TENM3: variants seen among roughly 807,000 people sequenced by gnomAD.
The protein encoded by TENM3 is teneurin-3.
Under a neutral mutation model 255.1 loss-of-function variants are expected in TENM3, and 63 were observed. That is an observed-to-expected ratio of 0.25 (90% CI 0.20 to 0.30). The LOEUF (loss-of-function observed/expected upper bound fraction) is 0.30, where lower values mean the gene tolerates loss of function less well. TENM3 is among the 10% of genes least tolerant of loss of function. The probability of loss-of-function intolerance (pLI) is 1.00; values close to 1 mark genes in which losing one functional copy is unlikely to be tolerated. For missense variants in TENM3, 2,929 were observed against 3,461.1 expected (o/e 0.85, Z 3.86); for synonymous variants, 1,306 against 1,322.3 (o/e 0.99, Z 0.27).
chr4:182,593,984 A>G (rs989128113), intron 3 of TENM3, among the ~76,000 whole-genome samples: 12 of 152,028 alleles, frequency 7.9e-5, no homozygotes, highest in African/African-American at 2.7e-4. Context: ...AAAAAAAAAA[A>G]AAGAAGCCAG....
At chr4:181,454,691 T>TTTTTTTTTTTTTTA in the TENM3 span, among the ~76,000 whole-genome samples, 2 of 150,244 alleles carry the variant, frequency 1.3e-5, no homozygotes, top group Non-Finnish European at 1.5e-5. Context: ...ACTTTTTTTT[T>TTTTTTTTTTTTTTA]CTGGTGTGCC....
At chr4:181,998,167 A>G in the TENM3 span, among the ~76,000 whole-genome samples, 1 of 152,136 alleles carries the variant, frequency 6.6e-6, no homozygotes, top group Non-Finnish European at 1.5e-5. Flanking sequence ...TTCCAAATTT[A>G]TGACCCTTTT....
chr4:182,313,838 A>G (rs1289115499), intron 1 of TENM3, among the ~76,000 whole-genome samples: 1 of 152,116 alleles, frequency 6.6e-6, no homozygotes, highest in Non-Finnish European at 1.5e-5. Context: ...CATCACAGTC[A>G]TGCTGATGCC....
At chr4:182,003,185 T>C in the TENM3 span, among the ~76,000 whole-genome samples, 1 of 152,280 alleles carries the variant, frequency 6.6e-6, no homozygotes, top group South Asian at 2.1e-4. Flanking sequence ...ATTTACTTTC[T>C]TGTAGTTCAG....
the TENM3 span, among the ~76,000 whole-genome samples, chr4:182,075,477 T>C: frequency 6.5e-3 from 985 of 152,200 alleles, 3 homozygotes; most frequent in Middle Eastern, 0.02. Flanking sequence ...GGATTACAGG[T>C]ATGAGCCACC....
At chr4:182,413,050 C>T (rs1332096265) in intron 3 of TENM3, among the ~76,000 whole-genome samples, 1 of 151,450 alleles carries the variant, frequency 6.6e-6, no homozygotes, top group Admixed American at 6.6e-5. Flanking sequence ...AGGAATTCCA[C>T]CTTATACACC....
chr4:182,701,472 G>A (rs1203208683), intron 12 of TENM3, among the ~76,000 whole-genome samples: 2 of 151,728 alleles, frequency 1.3e-5, no homozygotes, highest in Non-Finnish European at 1.5e-5. Context: ...CGCCCACCTC[G>A]GCCTCCCAAT....
At position 182,598,990 on chromosome 4, in the gene TENM3, C is replaced by T. The variant is rs202033229; in HGVS notation, c.512-1934C>T. Reference sequence around the variant, plus strand: ...TCATGGAGTCATCTGACCCATACCACTGCTTCTTTTTAGGCAAAGTCTTGT... The same window carrying T: ...TCATGGAGTCATCTGACCCATACCATTGCTTCTTTTTAGGCAAAGTCTTGT... On this transcript the variant is annotated intron_variant, in intron 3 of 27. Coordinates refer to ENST00000511685, the MANE Select transcript of TENM3 (RefSeq NM_001080477.4). 1.3e-4 allele frequency among the ~76,000 whole-genome samples: 20 copies of T among 152,322 alleles called. 1 individual carries two copies. The East Asian group carries it at 3.9e-3, about 29-fold the overall frequency.
At chr4:181,990,921 G>A in the TENM3 span, among the ~76,000 whole-genome samples, 4 of 152,022 alleles carry the variant, frequency 2.6e-5, no homozygotes, top group Admixed American at 2.6e-4. Context: ...AGGGGTGCAA[G>A]CAAATAACAA....
At chr4:182,018,511 A>G in the TENM3 span, among the ~76,000 whole-genome samples, 2 of 152,158 alleles carry the variant, frequency 1.3e-5, no homozygotes, top group African/African-American at 4.8e-5. Flanking sequence ...TTCTAATCTC[A>G]AACTCTGACA....
intron 5 of TENM3, among the ~76,000 whole-genome samples, chr4:182,646,869 A>G (rs1027508938): frequency 2.0e-5 from 3 of 152,226 alleles, no homozygotes; most frequent in Non-Finnish European, 4.4e-5. Context: ...TGTGCTGAGG[A>G]AGTATGTATT....
chr4:182,130,516 T>C, the TENM3 span, among the ~76,000 whole-genome samples: 6 of 152,188 alleles, frequency 3.9e-5, no homozygotes, highest in Non-Finnish European at 7.4e-5. Flanking sequence ...TCAAACCCCA[T>C]GTAGGCCACT....
intron 24 of TENM3, among the ~76,000 whole-genome samples, chr4:182,787,380 G>C (rs1765752398): frequency 6.6e-6 from 1 of 152,194 alleles, no homozygotes; most frequent in African/African-American, 2.4e-5. Context: ...CGGACTATCT[G>C]CTGTGACACG....
the TENM3 span, among the ~76,000 whole-genome samples, chr4:181,946,815 TA>T: frequency 6.6e-6 from 1 of 152,298 alleles, no homozygotes. Context: ...GCAGTGGGTA[TA>T]AAAAAGGATA....
At chr4:181,625,673 G>A in the TENM3 span, among the ~76,000 whole-genome samples, 1 of 152,038 alleles carries the variant, frequency 6.6e-6, no homozygotes, top group African/African-American at 2.4e-5. Flanking sequence ...AATTAGCCGG[G>A]TGTGGCGGCA....
intron 12 of TENM3, among the ~76,000 whole-genome samples, chr4:182,710,933 T>C (rs1758703066): frequency 6.6e-6 from 1 of 152,218 alleles, no homozygotes; most frequent in Non-Finnish European, 1.5e-5. Context: ...TAGTCCTGAC[T>C]GTTCCTACAC....
At chr4:181,969,329 C>A in the TENM3 span, among the ~76,000 whole-genome samples, 2 of 152,244 alleles carry the variant, frequency 1.3e-5, no homozygotes, top group African/African-American at 4.8e-5. Flanking sequence ...TTACAGTTAG[C>A]CAGCTGGAAA....
At chr4:181,788,207 T>TATCA in the TENM3 span, among the ~76,000 whole-genome samples, 1 of 152,300 alleles carries the variant, frequency 6.6e-6, no homozygotes, top group African/African-American at 2.4e-5. Context: ...TCTGAATCTT[T>TATCA]ATCACCCTCT....
Position 182,189,356 on chromosome 4 carries a change from C to T in TENM3, c.-76+44602C>T, listed in dbSNP as rs115241852. 2.6e-3 allele frequency among the ~76,000 whole-genome samples: 393 copies of T among 152,176 alleles called. 1 individual carries two copies. Among genetic ancestry groups the T allele is most frequent in the African/African-American group, 9.0e-3 (375 of 41,510 alleles). On this transcript the variant is annotated intron_variant, in intron 1 of 2. Coordinates refer to the TENM3 transcript ENST00000512480. ...GTCATACAAAAAATATTCTGTGAAGCACAGACTCCATAATGAGTGGACGAT... is the reference window on the plus strand; with the variant it reads ...GTCATACAAAAAATATTCTGTGAAGTACAGACTCCATAATGAGTGGACGAT...
Sources: allele counts gnomAD v4.1 joint callset (sites outside exome capture counted in the v4.1 genomes callset), GRCh38; gene constraint gnomAD v4.1.1; transcripts MANE v1.5; gene names NCBI Gene and HGNC (gene_info 2026-07-23, HGNC 2026-07-21).